ITPR2: variants seen among roughly 807,000 people sequenced by gnomAD.
The protein encoded by ITPR2 is inositol 1,4,5-trisphosphate receptor type 2, also known as inositol 1,4,5-trisphosphate-gated calcium channel ITPR2.
A neutral mutation model predicts 317.1 loss-of-function variants in ITPR2; 207 were observed. The observed-to-expected ratio is 0.65, with a 90% confidence interval of 0.58 to 0.73. The LOEUF (loss-of-function observed/expected upper bound fraction) is 0.73. Ranked by LOEUF, ITPR2 falls within the 30% of genes least tolerant of loss-of-function variation. The pLI is 0.00. For synonymous variants in ITPR2, 1,156 were observed against 1,149.1 expected (o/e 1.01, Z -0.12); for missense variants, 2,613 against 3,284.0 (o/e 0.80, Z 4.99).
intron 15 of ITPR2, among the ~76,000 whole-genome samples, 155 bp from the exon 16 acceptor site, chr12:26,659,440 C>T (rs1309068573): frequency 6.6e-6 from 1 of 152,098 alleles, no homozygotes; most frequent in African/African-American, 2.4e-5. Flanking sequence ...ATAAATAGAG[C>T]TTTTTGAGGA....
intron 55 of ITPR2, among the ~76,000 whole-genome samples, chr12:26,380,523 T>C (rs1195836024): frequency 3.9e-5 from 6 of 152,218 alleles, no homozygotes; most frequent in African/African-American, 1.4e-4. Flanking sequence ...CCCCCTTGGC[T>C]TTCCTTGAAA....
intron 37 of ITPR2, among the ~76,000 whole-genome samples, chr12:26,547,749 T>C (rs1944424598): frequency 1.3e-5 from 2 of 152,250 alleles, no homozygotes; most frequent in South Asian, 4.1e-4. Context: ...GGTTTTTCTT[T>C]CTTAGTTAAA....
intron 2 of ITPR2, among the ~76,000 whole-genome samples, chr12:26,741,770 C>T (rs531451378): frequency 1.3e-5 from 2 of 152,240 alleles, no homozygotes; most frequent in South Asian, 2.1e-4. Flanking sequence ...GCTCTAGTCC[C>T]CTCAGAAACC....
intron 5 of ITPR2, among the ~76,000 whole-genome samples, chr12:26,722,134 G>A (rs1948849543): frequency 6.6e-6 from 1 of 152,120 alleles, no homozygotes; most frequent in African/African-American, 2.4e-5. Flanking sequence ...TCTTTTAAAA[G>A]TCTCAGCCAA....
chr12:26,773,900 G>A (rs1949913516), intron 2 of ITPR2, among the ~76,000 whole-genome samples: 1 of 151,146 alleles, frequency 6.6e-6, no homozygotes, highest in African/African-American at 2.4e-5. Flanking sequence ...TTAATAATAT[G>A]GCATTAGCAG....
intron 54 of ITPR2, among the ~76,000 whole-genome samples, chr12:26,398,100 G>C (rs1940060895): frequency 6.7e-6 from 1 of 150,044 alleles, no homozygotes; most frequent in Non-Finnish European, 1.5e-5. Context: ...GTGTGTGTAA[G>C]AGAGACAGAG....
At chr12:26,534,411 C>T (rs1164862952) in intron 37 of ITPR2, among the ~76,000 whole-genome samples, 1 of 152,114 alleles carries the variant, frequency 6.6e-6, no homozygotes, top group Non-Finnish European at 1.5e-5. Flanking sequence ...CCTGATACGG[C>T]CCTTGAAGAG....
chr12:26,346,833 C>A, intron 55 of ITPR2, among the ~76,000 whole-genome samples: 1 of 152,156 alleles, frequency 6.6e-6, no homozygotes, highest in Non-Finnish European at 1.5e-5. Flanking sequence ...GTTTCCTTAT[C>A]TGTAAAATCA....
intron 9 of ITPR2, among the ~76,000 whole-genome samples, chr12:26,706,300 A>C (rs1257725236): frequency 6.6e-6 from 1 of 152,204 alleles, no homozygotes; most frequent in African/African-American, 2.4e-5. Flanking sequence ...GGTCTTCTTT[A>C]ATCACAAATC....
intron 55 of ITPR2, among the ~76,000 whole-genome samples, chr12:26,343,310 T>C (rs1938196833): frequency 6.6e-6 from 1 of 152,206 alleles, no homozygotes; most frequent in South Asian, 2.1e-4. Context: ...TAACAAAATT[T>C]AAAATTCCGA....
At chr12:26,810,660 G>C (rs990562293) in intron 1 of ITPR2, among the ~76,000 whole-genome samples, 6 of 152,192 alleles carry the variant, frequency 3.9e-5, no homozygotes, top group Non-Finnish European at 8.8e-5. Flanking sequence ...GGAACAAAAA[G>C]GATGTGATAG....
chr12:26,824,231 A>T (rs1309117246), intron 1 of ITPR2, among the ~76,000 whole-genome samples: 1 of 152,246 alleles, frequency 6.6e-6, no homozygotes, highest in East Asian at 1.9e-4. Flanking sequence ...CTATACTGAA[A>T]GTTGAAAACA....
Position 26,507,863 on chromosome 12 carries a change from C to CTCTGTGTGTGTGTG in ITPR2, c.5074-12604_5074-12603insCACACACACACAGA, listed in dbSNP as rs372756412. ...TCTCTCTACTCTTCTCTCTCTGTCT[C>CTCTGTGTGTGTGTG]TGTGTGTGTGTGTGTGTGTGTGTGT... On this transcript the variant is annotated intron_variant, in intron 37 of 56. Coordinates refer to ENST00000381340, the MANE Select transcript of ITPR2 (RefSeq NM_002223.4). Among the ~76,000 whole-genome samples the CTCTGTGTGTGTGTG allele has an allele frequency of 4.3e-3, 575 of 132,254 alleles. 4 individuals are homozygous for CTCTGTGTGTGTGTG. The highest frequency in any genetic ancestry group is 0.015 in the African/African-American group (545 of 36,198). The allele number at this position is 132,254 out of a possible 152,430, so 86.8% of individuals were successfully genotyped here. A position where few individuals can be genotyped will look rare whatever the true frequency, so the allele number is the denominator to read the frequency against.
chr12:26,566,989 AC>A (rs1945000337), intron 34 of ITPR2, among the ~76,000 whole-genome samples: 1 of 152,154 alleles, frequency 6.6e-6, no homozygotes, highest in African/African-American at 2.4e-5. Flanking sequence ...CAAAAATCAA[AC>A]AGAAGACAAT....
At chr12:26,517,919 G>A (rs1943568199) in intron 37 of ITPR2, among the ~76,000 whole-genome samples, 1 of 152,160 alleles carries the variant, frequency 6.6e-6, no homozygotes, top group African/African-American at 2.4e-5. Flanking sequence ...CATACTGCTG[G>A]GGATAATGTA....
In ITPR2 at chr12:26,475,337, G is replaced by C; in HGVS notation, c.6301C>G (p.Pro2101Ala). 2 of 1,613,680 alleles carry C rather than the reference G, an allele frequency of 1.2e-6. No individual in the cohort carries two copies. Among genetic ancestry groups the C allele is most frequent in the Non-Finnish European group, 1.7e-6 (2 of 1,179,884 alleles). ...TAGATATTGTGTCCAACATCTTTTG[G>C]AGAAACACCATCATCTCCACCCTCA... ...DDEGGDDGVS[P>A]KDVGHNIYIL... Residue 2101 changes from proline (P) to alanine (A), a missense_variant, in exon 45 of 57, where the codon CCA (proline) becomes GCA (alanine). Coordinates refer to ENST00000381340, the MANE Select transcript of ITPR2 (RefSeq NM_002223.4).
chr12:26,580,276 A>G (rs1031013421), intron 32 of ITPR2, 121 bp from the exon 33 acceptor site: 8 of 840,404 alleles, frequency 9.5e-6, no homozygotes, highest in Admixed American at 2.6e-5. Flanking sequence ...TGCTTTTTAA[A>G]GTTGCTGAGA....
At chr12:26,368,451 G>A (rs969792653) in intron 55 of ITPR2, among the ~76,000 whole-genome samples, 5 of 152,100 alleles carry the variant, frequency 3.3e-5, no homozygotes, top group South Asian at 2.1e-4. Flanking sequence ...AAAGGTCTCT[G>A]AATACAGTTT....
chr12:26,599,353 C>A lies in ITPR2; in HGVS notation c.3802-8G>T. On this transcript the variant is annotated splice_polypyrimidine_tract_variant and splice_region_variant and intron_variant, in intron 29 of 56. Transcript: ENST00000381340. ...GGTTTCTGCTTCAAGGAGCTAAACA[C>A]AGAGGAACATGCCCTTGTAATTCTG... The A allele has an allele frequency of 6.2e-7, 1 of 1,613,076 alleles. No individual in the cohort carries two copies. The highest frequency in any genetic ancestry group is 1.1e-5 in the South Asian group (1 of 91,058).
Sources: gnomAD v4.1 joint callset for allele counts (sites outside exome capture counted in the v4.1 genomes callset) on GRCh38, gnomAD v4.1.1 for gene constraint, MANE v1.5 for transcripts, NCBI Gene and HGNC (gene_info 2026-07-23, HGNC 2026-07-21) for gene names.